NBAS: variants seen among roughly 807,000 people sequenced by gnomAD.
The protein encoded by NBAS is NAG/BC035112 fusion.
A neutral mutation model predicts 302.5 loss-of-function variants in NBAS; 219 were observed. The ratio of observed to expected loss-of-function variants is 0.72; its 90% CI spans 0.65 to 0.81. The LOEUF (loss-of-function observed/expected upper bound fraction) is 0.81, where lower values mean the gene tolerates loss of function less well. Ranked by LOEUF, NBAS falls within the 30% of genes least tolerant of loss-of-function variation. The pLI, the probability that NBAS is intolerant of heterozygous loss-of-function variation, is 0.00. For synonymous variants in NBAS, 1,118 were observed against 1,021.6 expected, an observed-to-expected ratio of 1.09 and a Z score of -1.80; for missense variants, 2,932 against 2,841.6, an observed-to-expected ratio of 1.03 and a Z score of -0.72.
At chr2:14,941,895 T>C in the NBAS span, among the ~76,000 whole-genome samples, 3 of 152,160 alleles carry the variant, frequency 2.0e-5, no homozygotes, top group Admixed American at 2.0e-4. Flanking sequence ...AGGGGGAGGC[T>C]CTCTACTGGT....
At chr2:15,212,890 T>C (rs911201373) in intron 48 of NBAS, among the ~76,000 whole-genome samples, 1 of 152,098 alleles carries the variant, frequency 6.6e-6, no homozygotes, top group African/African-American at 2.4e-5. Context: ...CTTTATAAAC[T>C]ATCCAGTTGC....
At chr2:15,466,747 G>A (rs774988664) in intron 19 of NBAS, among the ~76,000 whole-genome samples, 1 of 152,030 alleles carries the variant, frequency 6.6e-6, no homozygotes, top group Non-Finnish European at 1.5e-5. Flanking sequence ...AAACCAGACT[G>A]GGCAACATGG....
Position 15,427,753 on chromosome 2 carries a change from T to C in NBAS, c.2381A>G (p.His794Arg), listed in dbSNP as rs978091632. 7.4e-6 allele frequency: 12 copies of C among 1,613,516 alleles called. No homozygotes were observed. Among genetic ancestry groups the C allele is most frequent in the African/African-American group, 1.3e-5 (1 of 74,890 alleles). Residue 794 changes from histidine (H) to arginine (R), a missense_variant, in exon 22 of 52, where the codon CAT (histidine) becomes CGT (arginine). Transcript: ENST00000281513. Reference sequence around the variant, plus strand: ...GCACCAATCTTTAGCTCGGTGTTTATGTTCATGCCAAGGAATGATCATCAG... The same window carrying C: ...GCACCAATCTTTAGCTCGGTGTTTACGTTCATGCCAAGGAATGATCATCAG... ...DSLMIIPWHE[H>R]KHRAKDWCEE...
chr2:15,331,205 A>G (rs1369248761), intron 35 of NBAS, among the ~76,000 whole-genome samples: 1 of 152,222 alleles, frequency 6.6e-6, no homozygotes, highest in African/African-American at 2.4e-5. Context: ...GAACATTCAG[A>G]CAATCAACCT....
At chr2:14,977,458 A>T in the NBAS span, among the ~76,000 whole-genome samples, 2 of 152,238 alleles carry the variant, frequency 1.3e-5, no homozygotes, top group South Asian at 4.1e-4. Context: ...CATTAGAAAT[A>T]TCGTAAGGTT....
chr2:15,538,349 G>A (rs192967954), intron 7 of NBAS: 30 of 481,704 alleles, frequency 6.2e-5, no homozygotes, highest in Admixed American at 3.6e-4. Context: ...CACAACACAC[G>A]TTTTTAGTTT....
At chr2:14,836,354 A>G in the NBAS span, among the ~76,000 whole-genome samples, 1 of 151,834 alleles carries the variant, frequency 6.6e-6, no homozygotes, top group Non-Finnish European at 1.5e-5. Flanking sequence ...GTTTTTTTAA[A>G]TAAGCTACCC....
chr2:14,846,618 T>A, the NBAS span, among the ~76,000 whole-genome samples: 1 of 151,960 alleles, frequency 6.6e-6, no homozygotes, highest in Non-Finnish European at 1.5e-5. Flanking sequence ...TAACTACAAA[T>A]TTTCAGGAAA....
the NBAS span, among the ~76,000 whole-genome samples, chr2:14,911,627 G>A: frequency 6.6e-6 from 1 of 152,162 alleles, no homozygotes; most frequent in South Asian, 2.1e-4. Context: ...GGAGTAAGAT[G>A]TCACCCACTT....
chr2:14,793,500 C>A, the NBAS span, among the ~76,000 whole-genome samples: 2 of 151,914 alleles, frequency 1.3e-5, no homozygotes. Flanking sequence ...AGAATCCACA[C>A]AATCTGAACA....
the NBAS span, among the ~76,000 whole-genome samples, chr2:15,051,057 T>C: frequency 6.6e-6 from 1 of 152,210 alleles, no homozygotes; most frequent in Non-Finnish European, 1.5e-5. Context: ...TCTCAGTACC[T>C]AGCAGAGAGT....
chr2:14,855,826 C>G, the NBAS span, among the ~76,000 whole-genome samples: 2 of 152,178 alleles, frequency 1.3e-5, no homozygotes, highest in Admixed American at 6.5e-5. Context: ...TCTGGACCCA[C>G]TTAGGGCTTG....
chr2:15,561,098 C>G, intron 1 of NBAS, 90 bp downstream of exon 1: 3 of 1,071,232 alleles, frequency 2.8e-6, no homozygotes, highest in South Asian at 1.2e-5. Flanking sequence ...ACCCACCCGT[C>G]TCCACTCCCC....
rs1010809531 is a variant in NBAS at position 15,534,496 on chromosome 2, C to T, written c.746+47G>A. ...ATAGTTTCTTCTATCTGAATCTATGCCAACATTTCTATGTCCCACTAAATA... is the reference window on the plus strand; with the variant it reads ...ATAGTTTCTTCTATCTGAATCTATGTCAACATTTCTATGTCCCACTAAATA... On this transcript the variant is annotated intron_variant, in intron 9 of 51. Coordinates refer to ENST00000281513, the MANE Select transcript of NBAS (RefSeq NM_015909.4). 6.7e-6 allele frequency: 9 copies of T among 1,343,958 alleles called. No homozygotes were observed. The African/African-American group carries it at 8.5e-5, about 13-fold the overall frequency. The allele number at this position is 1,343,958 out of a possible 1,614,324, so 83.3% of individuals were successfully genotyped here.
Position 15,553,479 on chromosome 2 carries a change from A to G in NBAS, c.288-6T>C. The G allele has an allele frequency of 1.2e-5, 20 of 1,608,600 alleles. No individual in the cohort carries two copies. Among genetic ancestry groups the G allele is most frequent in the Non-Finnish European group, 1.6e-5 (19 of 1,175,082 alleles). ...CAGCCAAAAGCTTTCCATTGCTTTT[A>G]TGGAGAAGAAAGAGGGGGAAGAAAA... On this transcript the variant is annotated splice_region_variant and splice_polypyrimidine_tract_variant and intron_variant, in intron 4 of 51. Coordinates refer to ENST00000281513, the MANE Select transcript of NBAS (RefSeq NM_015909.4).
chr2:15,441,708 T>C (rs1678417404), intron 21 of NBAS, among the ~76,000 whole-genome samples: 1 of 151,658 alleles, frequency 6.6e-6, no homozygotes, highest in African/African-American at 2.4e-5. Context: ...AGACACAGAC[T>C]GGCAAATTGG....
chr2:15,304,757 T>C (rs1173231725), intron 40 of NBAS, among the ~76,000 whole-genome samples: 1 of 152,208 alleles, frequency 6.6e-6, no homozygotes, highest in Non-Finnish European at 1.5e-5. Context: ...AGAACTTTGC[T>C]TGAGAGAGAT....
At chr2:14,897,634 A>T in the NBAS span, among the ~76,000 whole-genome samples, 1 of 151,078 alleles carries the variant, frequency 6.6e-6, no homozygotes, top group Non-Finnish European at 1.5e-5. Flanking sequence ...TTTTCCAAAG[A>T]CAGCACACAA....
chr2:14,899,357 CTAAA>C, the NBAS span, among the ~76,000 whole-genome samples: 32,350 of 151,992 alleles, frequency 0.21, 3,752 homozygotes, highest in Non-Finnish European at 0.27. Flanking sequence ...AACCTTTTCA[CTAAA>C]TAAATGTCAA....
Sources: gnomAD v4.1 joint callset for allele counts (sites outside exome capture counted in the v4.1 genomes callset) on GRCh38, gnomAD v4.1.1 for gene constraint, MANE v1.5 for transcripts, NCBI Gene and HGNC (gene_info 2026-07-23, HGNC 2026-07-21) for gene names.